The following OPRD1 variants were observed in gnomAD, a reference collection of about 807,000 sequenced individuals.
OPRD1 encodes the protein delta-type opioid receptor.
Under a neutral mutation model 17.5 loss-of-function variants are expected in OPRD1, and 19 were observed. The ratio of observed to expected loss-of-function variants is 1.09; its 90% CI spans 0.76 to 1.60. The LOEUF is 1.60. Ranked by LOEUF, OPRD1 falls within the 40% of genes most tolerant of loss-of-function variation. The pLI is 0.00. For missense variants in OPRD1, 483 were observed against 547.2 expected (o/e 0.88, Z 1.17); for synonymous variants, 256 against 240.9 (o/e 1.06, Z -0.58).
At chr1:28,839,624 G>A (rs1309262061) in intron 1 of OPRD1, among the ~76,000 whole-genome samples, 1 of 152,090 alleles carries the variant, frequency 6.6e-6, no homozygotes, top group Non-Finnish European at 1.5e-5. Flanking sequence ...CCTTGTTGCT[G>A]TTGTTGTTAC....
chr1:28,852,370 C>G (rs1035238232), intron 1 of OPRD1, among the ~76,000 whole-genome samples: 1 of 151,950 alleles, frequency 6.6e-6, no homozygotes, highest in Non-Finnish European at 1.5e-5. Context: ...AGAAAATTGG[C>G]GCAATTATTA....
At chr1:28,830,270 C>T (rs1050859058) in intron 1 of OPRD1, among the ~76,000 whole-genome samples, 2 of 151,850 alleles carry the variant, frequency 1.3e-5, no homozygotes, top group Admixed American at 1.3e-4. Flanking sequence ...TGCCTGTAAT[C>T]CCAGCACTTT....
intron 1 of OPRD1, among the ~76,000 whole-genome samples, chr1:28,819,654 G>A (rs962687591): frequency 1.2e-4 from 19 of 152,304 alleles, no homozygotes; most frequent in African/African-American, 4.3e-4. Flanking sequence ...CAGAGGGAGC[G>A]AGTGCCTCTC....
intron 1 of OPRD1, among the ~76,000 whole-genome samples, chr1:28,840,247 G>A (rs912639962): frequency 6.6e-6 from 1 of 152,140 alleles, no homozygotes; most frequent in Non-Finnish European, 1.5e-5. Flanking sequence ...CGTGATCCCT[G>A]CCCTCTGGGA....
At chr1:28,857,690 C>T (rs1330362890) in intron 1 of OPRD1, among the ~76,000 whole-genome samples, 1 of 152,114 alleles carries the variant, frequency 6.6e-6, no homozygotes, top group Non-Finnish European at 1.5e-5. Context: ...TTCACTGTGT[C>T]GCCCAGGGTG....
intron 1 of OPRD1, among the ~76,000 whole-genome samples, chr1:28,841,612 C>A (rs2088897133): frequency 6.6e-6 from 1 of 152,182 alleles, no homozygotes. Flanking sequence ...TCACCCAAAG[C>A]TGCTGGTCCT....
chr1:28,862,782 C>A lies in OPRD1; in HGVS notation c.618C>A (p.Ser206Arg). 6.2e-7 allele frequency: 1 copy of A among 1,613,044 alleles called. No homozygotes were observed. The highest frequency in any genetic ancestry group is 2.2e-5 in the East Asian group (1 of 44,888). Residue 206 changes from serine (S) to arginine (R), a missense_variant, in exon 3 of 3, where the codon AGC becomes AGA. Ser to Arg is a moderately radical substitution (Grantham distance 110). Coordinates refer to ENST00000234961, the MANE Select transcript of OPRD1 (RefSeq NM_000911.4). ...GCATGCTCCAGTTCCCCAGCCCCAGCTGGTACTGGGACACGGTGACCAAGA... is the reference window on the plus strand; with the variant it reads ...GCATGCTCCAGTTCCCCAGCCCCAGATGGTACTGGGACACGGTGACCAAGA... ...VVCMLQFPSP[S>R]WYWDTVTKIC...
Position 28,831,256 on chromosome 1 carries a change from A to G in OPRD1, c.227+18646A>G, listed in dbSNP as rs76665016. Among the ~76,000 whole-genome samples the G allele has an allele frequency of 7.2e-3, 1,097 of 152,296 alleles. 97 individuals are homozygous for G. In the East Asian group the frequency reaches 0.19, roughly 26 times the overall value. The stretch of plus-strand genomic sequence containing the variant: ...GCCTGGTGTGGTGGCTCACACCTGT[A>G]AGCCCAGCAATTTGGTAGGCCGAGG... On this transcript the variant is annotated intron_variant, in intron 1 of 2. Coordinates refer to ENST00000234961, the MANE Select transcript of OPRD1 (RefSeq NM_000911.4).
chr1:28,868,291 A>G lies in OPRD1; in HGVS notation c.*5008A>G, dbSNP rs1397106352. On this transcript the variant is annotated 3_prime_UTR_variant, in exon 3 of 3. Coordinates refer to ENST00000234961, the MANE Select transcript of OPRD1 (RefSeq NM_000911.4). The stretch of plus-strand genomic sequence containing the variant: ...AGAGTTGAGATGTGGGAATTGGTCC[A>G]TCTCTAATACGATCATCAGCCTCAC... 6.6e-6 allele frequency: 1 copy of G among 152,224 alleles called. No homozygotes were observed. Among genetic ancestry groups the G allele is most frequent in the Non-Finnish European group, 1.5e-5 (1 of 68,042 alleles). 9.4% of individuals were successfully genotyped at this position (152,224 alleles called of 1,614,324 possible). A position where few individuals can be genotyped will look rare whatever the true frequency, so the allele number is the denominator to read the frequency against.
chr1:28,856,709 T>C (rs893463730), intron 1 of OPRD1, among the ~76,000 whole-genome samples: 1 of 152,326 alleles, frequency 6.6e-6, no homozygotes. Context: ...GGGCCATGGC[T>C]GTAAACTGGC....
chr1:28,860,007 T>TCTTC (rs1448763111), intron 2 of OPRD1, among the ~76,000 whole-genome samples: 3 of 152,206 alleles, frequency 2.0e-5, no homozygotes, highest in Non-Finnish European at 4.4e-5. Context: ...GGTTTCTGAA[T>TCTTC]CTTCTACTGC....
Position 28,862,929 on chromosome 1 carries a change from C to T in OPRD1, c.765C>T (p.Ser255=). The change falls in exon 3 of 3, where the codon AGC becomes AGT. Residue 255 remains serine (S), a synonymous_variant. Coordinates refer to ENST00000234961, the MANE Select transcript of OPRD1 (RefSeq NM_000911.4). ...LLSGSKEKDR[S]LRRITRMVLV... ...CGGGCTCCAAGGAGAAGGACCGCAGCCTGCGGCGCATCACGCGCATGGTGC... is the reference window on the plus strand; with the variant it reads ...CGGGCTCCAAGGAGAAGGACCGCAGTCTGCGGCGCATCACGCGCATGGTGC... 6.2e-7 allele frequency: 1 copy of T among 1,612,828 alleles called. No homozygotes were observed. The highest frequency in any genetic ancestry group is 8.5e-7 in the Non-Finnish European group (1 of 1,179,866).
Position 28,859,141 on chromosome 1 carries a change from C to T in OPRD1, c.415C>T (p.Leu139Phe). ...CAATATGTTCACCAGCATCTTCACGCTCACCATGATGAGTGTTGACCGCTA... is the reference window on the plus strand; with the variant it reads ...CAATATGTTCACCAGCATCTTCACGTTCACCATGATGAGTGTTGACCGCTA... ...YYNMFTSIFT[L>F]TMMSVDRYIA... The change falls in exon 2 of 3, where the codon CTC (leucine) becomes TTC (phenylalanine). Residue 139 changes from leucine (L) to phenylalanine (F), a missense_variant. By Grantham distance (22) the Leu-to-Phe change is conservative. Transcript: ENST00000234961. 1.9e-6 allele frequency: 3 copies of T among 1,614,260 alleles called. No individual in the cohort carries two copies. Among genetic ancestry groups the T allele is most frequent in the Non-Finnish European group, 2.5e-6 (3 of 1,180,042 alleles).
chr1:28,853,979 G>A (rs545827848), intron 1 of OPRD1, among the ~76,000 whole-genome samples: 14 of 151,896 alleles, frequency 9.2e-5, no homozygotes, highest in African/African-American at 2.4e-4. Flanking sequence ...GAGCTCAAAC[G>A]ATCTGCCTGC....
intron 1 of OPRD1, among the ~76,000 whole-genome samples, chr1:28,850,249 G>A (rs2088989070): frequency 6.6e-6 from 1 of 152,102 alleles, no homozygotes; most frequent in Non-Finnish European, 1.5e-5. Context: ...AGAACTTTGG[G>A]AGGCCAATGT....
chr1:28,842,579 T>C (rs1274510330), intron 1 of OPRD1, among the ~76,000 whole-genome samples: 1 of 152,232 alleles, frequency 6.6e-6, no homozygotes, highest in African/African-American at 2.4e-5. Flanking sequence ...GGGGCTTGTT[T>C]AACAGAGGAG....
At chr1:28,849,485 GATACAC>G (rs1294456051) in intron 1 of OPRD1, among the ~76,000 whole-genome samples, 2 of 152,056 alleles carry the variant, frequency 1.3e-5, no homozygotes, top group East Asian at 1.9e-4. Flanking sequence ...CCCTCACACT[GATACAC>G]ATACACACAC....
At chr1:28,830,353 T>G (rs2088799787) in intron 1 of OPRD1, among the ~76,000 whole-genome samples, 1 of 151,498 alleles carries the variant, frequency 6.6e-6, no homozygotes, top group East Asian at 2.0e-4. Context: ...TGAGACTCCA[T>G]CTCTACAAAA....
Position 28,863,128 on chromosome 1 carries a change from G to T in OPRD1, c.964G>T (p.Asp322Tyr). The change falls in exon 3 of 3, where the codon GAC (aspartate) becomes TAC (tyrosine). Residue 322 changes from aspartate to tyrosine, a missense_variant. Transcript: ENST00000234961. ...CAACCCCGTGCTCTACGCTTTCCTC[G>T]ACGAGAACTTCAAGCGCTGCTTCCG... ...SLNPVLYAFL[D>Y]ENFKRCFRQL... The T allele has an allele frequency of 6.2e-7, 1 of 1,609,702 alleles. No individual in the cohort carries two copies. Among genetic ancestry groups the T allele is most frequent in the Non-Finnish European group, 8.5e-7 (1 of 1,179,252 alleles).
Sources: gnomAD v4.1 joint callset for allele counts (sites outside exome capture counted in the v4.1 genomes callset) on GRCh38, gnomAD v4.1.1 for gene constraint, MANE v1.5 for transcripts, NCBI Gene and HGNC (gene_info 2026-07-23, HGNC 2026-07-21) for gene names.